Variants in GLI3 observed in about 807,000 individuals in gnomAD.
The protein encoded by GLI3 is GLI family zinc finger 3, also known as transcription activator GLI3.
In GLI3, 20 loss-of-function variants were observed where a neutral mutation model predicts 100.8. That is an observed-to-expected ratio of 0.20 (90% CI 0.14 to 0.29). The LOEUF (loss-of-function observed/expected upper bound fraction) is 0.29, where lower values mean the gene tolerates loss of function less well. GLI3 is among the 10% of genes least tolerant of loss of function. The probability of loss-of-function intolerance (pLI) is 1.00; values close to 1 mark genes in which losing one functional copy is unlikely to be tolerated. For missense variants in GLI3, 2,040 were observed against 2,128.5 expected (o/e 0.96, Z 0.82); for synonymous variants, 938 against 860.5 (o/e 1.09, Z -1.58).
At chr7:42,259,844 C>G (rs1253317879) in intron 1 of GLI3, among the ~76,000 whole-genome samples, 9 of 152,184 alleles carry the variant, frequency 5.9e-5, no homozygotes, top group African/African-American at 2.2e-4. Flanking sequence ...TTGGATCCAG[C>G]TAACAAAATT....
At chr7:42,083,712 G>A (rs1020607293) in intron 3 of GLI3, among the ~76,000 whole-genome samples, 2 of 152,062 alleles carry the variant, frequency 1.3e-5, no homozygotes, top group East Asian at 1.9e-4. Context: ...TTGTCTAAGC[G>A]ATAACACTAA....
In GLI3 at chr7:42,048,726, G is replaced by C. The variant is rs775428756; in HGVS notation, c.474-30C>G. On this transcript the variant is annotated intron_variant, in intron 4 of 14. Transcript: ENST00000395925. ...GTACAAAGAAAACCAGATACAAGGG[G>C]TATGCATGAGACAAATATCTCCACA... 50 of 1,390,642 alleles carry C rather than the reference G, an allele frequency of 3.6e-5. No homozygotes were observed. In the South Asian group the frequency reaches 5.6e-4, roughly 16 times the overall value. 86.1% of individuals were successfully genotyped at this position (1,390,642 alleles called of 1,614,324 possible).
intron 2 of GLI3, among the ~76,000 whole-genome samples, chr7:42,164,466 C>A (rs1787197565): frequency 6.6e-6 from 1 of 151,908 alleles, no homozygotes; most frequent in African/African-American, 2.4e-5. Context: ...TTGCAGTAAG[C>A]CAAGATCATG....
At chr7:42,195,393 T>C (rs953149429) in intron 2 of GLI3, among the ~76,000 whole-genome samples, 1 of 152,206 alleles carries the variant, frequency 6.6e-6, no homozygotes, top group Non-Finnish European at 1.5e-5. Context: ...TTCAATTGCT[T>C]GATATACAAG....
intron 1 of GLI3, among the ~76,000 whole-genome samples, chr7:42,249,227 C>T (rs1044203778): frequency 1.3e-5 from 2 of 152,116 alleles, no homozygotes; most frequent in African/African-American, 4.8e-5. Context: ...TGAACTATTG[C>T]GCTCTGCCAT....
At chr7:42,142,712 C>T (rs1786598152) in intron 3 of GLI3, among the ~76,000 whole-genome samples, 1 of 151,468 alleles carries the variant, frequency 6.6e-6, no homozygotes, top group African/African-American at 2.4e-5. Flanking sequence ...TCTTGCAATG[C>T]AGCTCTTTAA....
intron 1 of GLI3, among the ~76,000 whole-genome samples, chr7:42,248,872 T>C (rs1789002352): frequency 6.6e-6 from 1 of 152,088 alleles, no homozygotes; most frequent in Non-Finnish European, 1.5e-5. Context: ...CACTGCAGCC[T>C]CAACCTCCCT....
At chr7:42,010,451 C>T (rs150662202) in intron 10 of GLI3, among the ~76,000 whole-genome samples, 94 of 152,276 alleles carry the variant, frequency 6.2e-4, no homozygotes, top group African/African-American at 2.2e-3. Flanking sequence ...AGACAGATGC[C>T]TCTTCTGGAT....
At chr7:42,100,990 T>C (rs1024586113) in intron 3 of GLI3, among the ~76,000 whole-genome samples, 1 of 152,210 alleles carries the variant, frequency 6.6e-6, no homozygotes, top group Non-Finnish European at 1.5e-5. Context: ...CCCCAGTCTG[T>C]GGTACCTTGT....
chr7:42,025,946 G>A (rs1789098095), intron 8 of GLI3, among the ~76,000 whole-genome samples: 1 of 152,258 alleles, frequency 6.6e-6, no homozygotes, highest in African/African-American at 2.4e-5. Context: ...CCAGGTCACA[G>A]TGAAGCCTTA....
intron 2 of GLI3, among the ~76,000 whole-genome samples, chr7:42,192,168 G>A (rs192426658): frequency 5.9e-4 from 90 of 152,242 alleles, no homozygotes; most frequent in Admixed American, 1.3e-3. Context: ...TATAGAGATA[G>A]CATTTATTTT....
chr7:42,180,926 C>T (rs759689978), intron 2 of GLI3, among the ~76,000 whole-genome samples: 13 of 152,194 alleles, frequency 8.5e-5, no homozygotes, highest in East Asian at 1.9e-4. Flanking sequence ...ACTGGAAAGG[C>T]GTTCCAATCG....
chr7:42,044,324 G>C (rs1784201909), intron 6 of GLI3, among the ~76,000 whole-genome samples: 1 of 152,226 alleles, frequency 6.6e-6, no homozygotes, highest in Non-Finnish European at 1.5e-5. Flanking sequence ...TTTTGCTGAT[G>C]TATGACTTGG....
At chr7:42,121,118 T>C (rs1785987980) in intron 3 of GLI3, among the ~76,000 whole-genome samples, 1 of 152,212 alleles carries the variant, frequency 6.6e-6, no homozygotes, top group Admixed American at 6.5e-5. Flanking sequence ...TCTCTTTCCC[T>C]CTTCGACTTG....
chr7:42,045,305 A>G, intron 6 of GLI3, 79 bp downstream of exon 6: 1 of 1,328,414 alleles, frequency 7.5e-7, no homozygotes, highest in Non-Finnish European at 1.1e-6. Context: ...CAATCACCTA[A>G]TCTTTGTATC....
upstream of GLI3, among the ~76,000 whole-genome samples, chr7:42,238,938 C>T (rs189866056): frequency 6.6e-6 from 1 of 152,158 alleles, no homozygotes; most frequent in Non-Finnish European, 1.5e-5. Flanking sequence ...GAATGATGAG[C>T]TATTAGAATT....
chr7:42,020,932 A>C, intron 10 of GLI3, among the ~76,000 whole-genome samples: 1 of 149,590 alleles, frequency 6.7e-6, no homozygotes, highest in Non-Finnish European at 1.5e-5. Flanking sequence ...TAGTTTTTGC[A>C]ACTGGTATTT....
intron 13 of GLI3, among the ~76,000 whole-genome samples, chr7:41,968,642 T>C (rs1355932712): frequency 1.4e-5 from 2 of 145,208 alleles, no homozygotes; most frequent in East Asian, 4.1e-4. Context: ...GAGGTAAAAC[T>C]TCAATCACTT....
At chr7:42,039,165 C>A (rs113141617) in intron 7 of GLI3, among the ~76,000 whole-genome samples, 4 of 152,192 alleles carry the variant, frequency 2.6e-5, no homozygotes, top group Non-Finnish European at 5.9e-5. Context: ...CTATCTAATT[C>A]TATGTCTCAA....
Sources: gnomAD v4.1 joint callset for allele counts (sites outside exome capture counted in the v4.1 genomes callset) on GRCh38, gnomAD v4.1.1 for gene constraint, MANE v1.5 for transcripts, NCBI Gene and HGNC (gene_info 2026-07-23, HGNC 2026-07-21) for gene names.